Variants in FNBP1 observed in about 807,000 individuals in gnomAD.
FNBP1 encodes formin binding protein 1.
Under a neutral mutation model 90.6 loss-of-function variants are expected in FNBP1, and 26 were observed. The ratio of observed to expected loss-of-function variants is 0.29; its 90% CI spans 0.21 to 0.40. FNBP1 has a LOEUF of 0.40. Among genes scored for constraint, FNBP1 ranks in the 10% least tolerant of loss-of-function variants. FNBP1 has a pLI of 1.00. For synonymous variants in FNBP1, 260 were observed against 265.2 expected (o/e 0.98, Z 0.19); for missense variants, 635 against 768.0 (o/e 0.83, Z 2.05).
At chr9:130,037,779 T>C (rs2059455120) in intron 1 of FNBP1, among the ~76,000 whole-genome samples, 1 of 152,186 alleles carries the variant, frequency 6.6e-6, no homozygotes, top group African/African-American at 2.4e-5. Flanking sequence ...ATTATATATA[T>C]ATTTTACAAC....
At chr9:129,980,691 C>T (rs1284474524) in intron 2 of FNBP1, among the ~76,000 whole-genome samples, 1 of 143,044 alleles carries the variant, frequency 7.0e-6, no homozygotes, top group Non-Finnish European at 1.5e-5. Flanking sequence ...AAAAAAAACC[C>T]TCACTAACAC....
intron 4 of FNBP1, among the ~76,000 whole-genome samples, chr9:129,965,813 G>A (rs200097068): frequency 0.73 from 65,939 of 90,640 alleles, 21,711 homozygotes; most frequent in Non-Finnish European, 0.77. Flanking sequence ...AGGAGGGAGG[G>A]AGGGAGGAAG....
At chr9:130,053,266 G>C in the FNBP1 span, among the ~76,000 whole-genome samples, 8 of 152,112 alleles carry the variant, frequency 5.3e-5, no homozygotes, top group African/African-American at 1.9e-4. Flanking sequence ...GTGATTCCCA[G>C]CTCAACCTGG....
intron 1 of FNBP1, among the ~76,000 whole-genome samples, chr9:130,017,319 G>A (rs368660185): frequency 2.0e-5 from 3 of 151,932 alleles, no homozygotes; most frequent in Non-Finnish European, 4.4e-5. Flanking sequence ...AATTATACAC[G>A]GGTAGTTGGT....
At chr9:129,982,012 A>C (rs1410971198) in intron 2 of FNBP1, among the ~76,000 whole-genome samples, 1 of 152,244 alleles carries the variant, frequency 6.6e-6, no homozygotes, top group Non-Finnish European at 1.5e-5. Flanking sequence ...AGAGTTTAAT[A>C]ATTCTAGATG....
chr9:129,900,318 T>A lies in FNBP1; in HGVS notation c.1550+108A>T. The A allele has an allele frequency of 8.1e-7, 1 of 1,235,480 alleles. No individual in the cohort carries two copies. Among genetic ancestry groups the A allele is most frequent in the Non-Finnish European group, 1.1e-6 (1 of 920,532 alleles). 76.5% of individuals were successfully genotyped at this position (1,235,480 alleles called of 1,614,324 possible). On this transcript the variant is annotated intron_variant, in intron 14 of 16. Transcript: ENST00000446176. The surrounding 1 kb of genome is among the most constrained non-coding windows in gnomAD (Gnocchi z 4.1). ...TGACAGGTCAATCGCAACAGACATT[T>A]TGGCATTGAACAAGTGCCTTATGGT...
At chr9:130,048,314 CAAA>C in the FNBP1 span, among the ~76,000 whole-genome samples, 22 of 50,720 alleles carry the variant, frequency 4.3e-4, no homozygotes, top group East Asian at 1.2e-3. Flanking sequence ...GACTCCATCT[CAAA>C]AAAAAAAAAA....
intron 8 of FNBP1, among the ~76,000 whole-genome samples, chr9:129,925,431 A>G (rs1356857879): frequency 6.6e-6 from 1 of 151,688 alleles, no homozygotes; most frequent in Non-Finnish European, 1.5e-5. Context: ...GCATGAACCC[A>G]GGAGGCGGAG....
chr9:129,903,043 T>C (rs78441732), intron 12 of FNBP1, 42 bp from the exon 13 acceptor site: 2 of 1,228,090 alleles, frequency 1.6e-6, no homozygotes, highest in Non-Finnish European at 2.2e-6. Flanking sequence ...GGTTACTCCA[T>C]TTTTTTTTTA....
chr9:129,986,706 C>T (rs1352258085), intron 2 of FNBP1, among the ~76,000 whole-genome samples: 2 of 152,134 alleles, frequency 1.3e-5, no homozygotes, highest in East Asian at 3.9e-4. Context: ...AGGAGAACCG[C>T]TTGAACCTGG....
At chr9:130,006,449 T>G (rs1322704402) in intron 1 of FNBP1, among the ~76,000 whole-genome samples, 1 of 148,530 alleles carries the variant, frequency 6.7e-6, no homozygotes, top group Non-Finnish European at 1.5e-5. Flanking sequence ...GAGCTGAGAT[T>G]ATGCCACTGC....
intron 1 of FNBP1, among the ~76,000 whole-genome samples, chr9:129,999,442 A>G (rs538256686): frequency 6.6e-6 from 1 of 152,154 alleles, no homozygotes; most frequent in South Asian, 2.1e-4. Flanking sequence ...CAAAAGAAAA[A>G]CAAAAAGTAG....
In FNBP1 at chr9:129,890,312, G is replaced by A. The variant is rs1396151783; in HGVS notation, c.*227C>T. 10 of 593,794 alleles carry A rather than the reference G, an allele frequency of 1.7e-5. No homozygotes were observed. The highest frequency in any genetic ancestry group is 8.4e-5 in the East Asian group (3 of 35,582). The allele number at this position is 593,794 out of a possible 1,614,324, so 36.8% of individuals were successfully genotyped here. On this transcript the variant is annotated 3_prime_UTR_variant, in exon 17 of 17. Coordinates refer to ENST00000446176, the MANE Select transcript of FNBP1 (RefSeq NM_015033.3). This position sits in a 1 kb window ranked among gnomAD's most constrained non-coding sequence, Gnocchi z 5.8. ...GAGGGGGAGCGATGAGGACTGACCC[G>A]AGCCATGGGGGTGGGCGCTGGCGAG...
At chr9:130,036,285 A>T (rs889819677) in intron 1 of FNBP1, among the ~76,000 whole-genome samples, 1 of 152,196 alleles carries the variant, frequency 6.6e-6, no homozygotes, top group Non-Finnish European at 1.5e-5. Context: ...AGGAAACATA[A>T]TATTAGCTTT....
chr9:130,001,031 T>C (rs1440480551), intron 1 of FNBP1, among the ~76,000 whole-genome samples: 1 of 152,170 alleles, frequency 6.6e-6, no homozygotes, highest in Admixed American at 6.5e-5. Context: ...AAACTGAAAT[T>C]TTTTAAAACA....
At chr9:129,959,542 T>A (rs1277383847) in intron 4 of FNBP1, among the ~76,000 whole-genome samples, 1 of 152,098 alleles carries the variant, frequency 6.6e-6, no homozygotes, top group Non-Finnish European at 1.5e-5. Flanking sequence ...TGAGCTGAGA[T>A]CGTGCTAATG....
intron 4 of FNBP1, among the ~76,000 whole-genome samples, chr9:129,959,472 C>T (rs1231690886): frequency 1.3e-5 from 2 of 151,272 alleles, no homozygotes; most frequent in Non-Finnish European, 2.9e-5. Flanking sequence ...GCCTGTAATC[C>T]CAGCTACTTG....
chr9:129,965,944 G>C (rs1040402498), intron 4 of FNBP1, among the ~76,000 whole-genome samples: 1 of 152,100 alleles, frequency 6.6e-6, no homozygotes, highest in African/African-American at 2.4e-5. Flanking sequence ...GTTACTTGCA[G>C]CATCTGATAC....
chr9:129,892,285 A>G (rs894069623), intron 16 of FNBP1, among the ~76,000 whole-genome samples: 1 of 152,030 alleles, frequency 6.6e-6, no homozygotes, highest in Non-Finnish European at 1.5e-5. Context: ...AAAAACCACA[A>G]AAGAAAGTCA....
Sources: gnomAD v4.1 joint callset for allele counts (sites outside exome capture counted in the v4.1 genomes callset) on GRCh38, gnomAD v4.1.1 for gene constraint, Gnocchi (gnomAD v3.1) non-coding constraint, MANE v1.5 for transcripts, NCBI Gene and HGNC (gene_info 2026-07-23, HGNC 2026-07-21) for gene names.